DACH2: variants seen among roughly 807,000 people sequenced by gnomAD.
DACH2 encodes the protein dachshund family transcription factor 2.
Under a neutral mutation model 35.8 loss-of-function variants are expected in DACH2, and 17 were observed. That is an observed-to-expected ratio of 0.48 (90% CI 0.33 to 0.71). The LOEUF is 0.71. Ranked by LOEUF, DACH2 falls within the 30% of genes least tolerant of loss-of-function variation. DACH2 has a pLI of 0.02. For synonymous variants in DACH2, 195 were observed against 177.3 expected (o/e 1.10, Z -0.79); for missense variants, 469 against 472.7 (o/e 0.99, Z 0.07).
chrX:86,215,952 A>G (rs1602293476), intron 1 of DACH2, among the ~76,000 whole-genome samples: 1 of 112,466 alleles, frequency 8.9e-6, no homozygotes, highest in Middle Eastern at 4.6e-3. Context: ...CATTCTATAC[A>G]TAAAAATCTT....
intron 7 of DACH2, among the ~76,000 whole-genome samples, chrX:86,773,272 C>G (rs190003007): frequency 1.4e-3 from 159 of 111,945 alleles, no homozygotes; most frequent in Non-Finnish European, 2.7e-3. Context: ...GCTAAAGACA[C>G]AAATGCTTAG....
chrX:86,155,436 A>G (rs1214229679), intron 1 of DACH2, among the ~76,000 whole-genome samples: 1 of 110,865 alleles, frequency 9.0e-6, no homozygotes, highest in Non-Finnish European at 1.9e-5. Context: ...AATTTCTTAA[A>G]CTACAGAAAC....
intron 1 of DACH2, among the ~76,000 whole-genome samples, chrX:86,151,224 A>C (rs374685811): frequency 9.1e-6 from 1 of 110,468 alleles, no homozygotes; most frequent in East Asian, 2.8e-4. Context: ...ATTTTATCTA[A>C]TTAGCTTTTA....
At chrX:86,611,472 C>G (rs182476200) in intron 3 of DACH2, among the ~76,000 whole-genome samples, 142 of 111,088 alleles carry the variant, frequency 1.3e-3, no homozygotes, top group Non-Finnish European at 1.5e-3. Flanking sequence ...GAGCCCAGCT[C>G]TGCACTAGGA....
intron 6 of DACH2, among the ~76,000 whole-genome samples, chrX:86,723,727 G>C (rs2041433853): frequency 8.9e-6 from 1 of 111,761 alleles, no homozygotes; most frequent in African/African-American, 3.2e-5. Context: ...GTCTATCTTG[G>C]AGACTGTTCC....
intron 3 of DACH2, among the ~76,000 whole-genome samples, chrX:86,628,122 G>A (rs2040158644): frequency 8.9e-6 from 1 of 112,062 alleles, no homozygotes; most frequent in Non-Finnish European, 1.9e-5. Flanking sequence ...CATTTCCTGG[G>A]CATCACCATG....
In DACH2 at chrX:86,458,248, A is replaced by AT. The variant is rs2037509240; in HGVS notation, c.528-56030dup. ...ATATTTTTCATGGTAAAAGTTTCCA[A>AT]TAAAAAGGCAAATGTTGGCAAAAAC... On this transcript the variant is annotated intron_variant, in intron 2 of 11. Coordinates refer to ENST00000373125, the MANE Select transcript of DACH2 (RefSeq NM_053281.3). 2.7e-5 allele frequency among the ~76,000 whole-genome samples: 3 copies of AT among 111,768 alleles called. No homozygotes were observed. The South Asian group carries it at 1.1e-3, about 42-fold the overall frequency.
At chrX:86,569,438 T>A (rs185787970) in intron 3 of DACH2, among the ~76,000 whole-genome samples, 1 of 111,055 alleles carries the variant, frequency 9.0e-6, no homozygotes, top group Non-Finnish European at 1.9e-5. Context: ...CAAACCAAAT[T>A]GAAATGAAAA....
intron 2 of DACH2, among the ~76,000 whole-genome samples, chrX:86,470,881 A>G (rs1227177154): frequency 9.0e-6 from 1 of 111,706 alleles, no homozygotes; most frequent in Non-Finnish European, 1.9e-5. Flanking sequence ...AATGGCTAAA[A>G]TAAGGATTTG....
intron 1 of DACH2, among the ~76,000 whole-genome samples, chrX:86,152,080 A>C (rs752786769): frequency 1.8e-5 from 2 of 112,071 alleles, no homozygotes; most frequent in African/African-American, 6.5e-5. Context: ...GTAAATGTTT[A>C]GCGAATAGAA....
chrX:86,266,643 C>T (rs1310293608), intron 1 of DACH2, among the ~76,000 whole-genome samples: 1 of 111,196 alleles, frequency 9.0e-6, no homozygotes, highest in Non-Finnish European at 1.9e-5. Context: ...CCAGACTGCC[C>T]GGTTTTGAGT....
At chrX:86,783,400 G>A (rs1225043041) in intron 7 of DACH2, among the ~76,000 whole-genome samples, 1 of 112,044 alleles carries the variant, frequency 8.9e-6, no homozygotes, top group Admixed American at 9.5e-5. Flanking sequence ...TGATCCAGCA[G>A]TCCTGCTGCT....
chrX:86,348,118 C>G (rs5968901), intron 1 of DACH2, among the ~76,000 whole-genome samples: 53,648 of 110,348 alleles, frequency 0.49, 9,843 homozygotes, highest in Admixed American at 0.63. Context: ...TGGCCTCCAC[C>G]GTGCCGCATT....
chrX:86,745,606 G>A (rs2041703745), intron 7 of DACH2, among the ~76,000 whole-genome samples: 1 of 111,242 alleles, frequency 9.0e-6, no homozygotes, highest in Non-Finnish European at 1.9e-5. Flanking sequence ...CCTTTTTTAT[G>A]GCTGCATAAT....
At chrX:86,511,417 A>C (rs1419865068) in intron 2 of DACH2, among the ~76,000 whole-genome samples, 1 of 111,880 alleles carries the variant, frequency 8.9e-6, no homozygotes, top group East Asian at 2.8e-4. Context: ...TCTGAATGTG[A>C]TATTTGATGA....
At chrX:86,799,037 T>C in intron 7 of DACH2, 1 of 275,860 alleles carries the variant, frequency 3.6e-6, no homozygotes, top group Non-Finnish European at 6.9e-6. Context: ...GCAGATTTTA[T>C]AGCAGGTGGT....
At chrX:86,460,661 C>T (rs892662935) in intron 2 of DACH2, among the ~76,000 whole-genome samples, 1 of 110,195 alleles carries the variant, frequency 9.1e-6, no homozygotes, top group Admixed American at 9.7e-5. Flanking sequence ...CCTTTTATGA[C>T]CAACAAAACT....
intron 4 of DACH2, among the ~76,000 whole-genome samples, chrX:86,680,044 A>G (rs2040863522): frequency 9.0e-6 from 1 of 111,730 alleles, no homozygotes; most frequent in African/African-American, 3.2e-5. Flanking sequence ...AGCATACTAT[A>G]CATAGTATGA....
chrX:86,792,472 C>T (rs751281752), intron 7 of DACH2, among the ~76,000 whole-genome samples: 1 of 110,522 alleles, frequency 9.0e-6, no homozygotes, highest in South Asian at 3.7e-4. Context: ...GAACTTATTC[C>T]TTCTATTTCA....
Sources: gnomAD v4.1 joint callset for allele counts (sites outside exome capture counted in the v4.1 genomes callset) on GRCh38, gnomAD v4.1.1 for gene constraint, MANE v1.5 for transcripts, NCBI Gene and HGNC (gene_info 2026-07-23, HGNC 2026-07-21) for gene names.